The following UNC5C variants were observed in gnomAD, a reference collection of about 807,000 sequenced individuals.
UNC5C encodes unc-5 netrin receptor C.
Under a neutral mutation model 99.8 loss-of-function variants are expected in UNC5C, and 47 were observed. That is an observed-to-expected ratio of 0.47 (90% CI 0.37 to 0.60). The LOEUF (loss-of-function observed/expected upper bound fraction) is 0.60. UNC5C is among the 20% of genes least tolerant of loss of function. The pLI, the probability that UNC5C is intolerant of heterozygous loss-of-function variation, is 0.00. For missense variants in UNC5C, 1,062 were observed against 1,165.9 expected (o/e 0.91, Z 1.30); for synonymous variants, 487 against 452.2 (o/e 1.08, Z -0.98).
intron 1 of UNC5C, among the ~76,000 whole-genome samples, chr4:95,528,177 A>T (rs529049193): frequency 6.6e-6 from 1 of 152,306 alleles, no homozygotes; most frequent in Non-Finnish European, 1.5e-5. Context: ...AAACATTCTT[A>T]TGTTTTGAAT....
chr4:95,388,786 A>G (rs1309099643), intron 1 of UNC5C, among the ~76,000 whole-genome samples: 2 of 152,196 alleles, frequency 1.3e-5, no homozygotes, highest in African/African-American at 4.8e-5. Flanking sequence ...GGAATGGTAA[A>G]GTAACTTCAG....
At chr4:95,375,012 G>A (rs1371329199) in intron 1 of UNC5C, among the ~76,000 whole-genome samples, 1 of 152,112 alleles carries the variant, frequency 6.6e-6, no homozygotes, top group Non-Finnish European at 1.5e-5. Flanking sequence ...AAGAATATAG[G>A]TTAGAGTAAC....
At chr4:95,381,116 A>G (rs1452029091) in intron 1 of UNC5C, among the ~76,000 whole-genome samples, 2 of 152,332 alleles carry the variant, frequency 1.3e-5, no homozygotes, top group East Asian at 1.9e-4. Context: ...TTTTTGTTTT[A>G]GAAACATATA....
chr4:95,250,571 G>T lies in UNC5C; in HGVS notation c.691C>A (p.Leu231Ile). 1 of 1,613,948 alleles carries T rather than the reference G, an allele frequency of 6.2e-7. No individual in the cohort carries two copies. Among genetic ancestry groups the T allele is most frequent in the Non-Finnish European group, 8.5e-7 (1 of 1,179,974 alleles). The change falls in exon 5 of 16, where the codon CTC (leucine) becomes ATC (isoleucine). Residue 231 changes from leucine to isoleucine, a missense_variant. Transcript: ENST00000453304. The part of the protein sequence containing the change: ...DHNLIIKQAR[L>I]SDTANYTCVA... ...CAGGTGTAATTTGCAGTATCAGAGAGTCGGGCCTGCTTTATGATGAGGTTG... is the reference window on the plus strand; with the variant it reads ...CAGGTGTAATTTGCAGTATCAGAGATTCGGGCCTGCTTTATGATGAGGTTG...
At position 95,309,240 on chromosome 4, in the gene UNC5C, T is replaced by C. The variant is rs370783345; in HGVS notation, c.347-7491A>G. The stretch of plus-strand genomic sequence containing the variant: ...AACTGGATATCCCTAGGCAGAAGAA[T>C]GAAATTAGACCCTTAACTCATACCA... On this transcript the variant is annotated intron_variant, in intron 2 of 15. Transcript: ENST00000453304. 1.4e-3 allele frequency among the ~76,000 whole-genome samples: 213 copies of C among 152,116 alleles called. 1 individual carries two copies. The highest frequency in any genetic ancestry group is 4.9e-3 in the African/African-American group (204 of 41,496).
chr4:95,187,098 T>G (rs2149352559), intron 12 of UNC5C, among the ~76,000 whole-genome samples: 1 of 152,316 alleles, frequency 6.6e-6, no homozygotes. Flanking sequence ...CATAATGAGC[T>G]TATGTTGATC....
chr4:95,328,217 C>A (rs1182830930), intron 2 of UNC5C, among the ~76,000 whole-genome samples: 2 of 72,838 alleles, frequency 2.7e-5, no homozygotes, highest in African/African-American at 4.7e-5. Context: ...CCTCCCCCCT[C>A]CCCCGACCCC....
rs560472344 is a variant in UNC5C at position 95,226,301 on chromosome 4, G to A, written c.1109-6125C>T. Among the ~76,000 whole-genome samples, 25 of 152,230 alleles carry A rather than the reference G, an allele frequency of 1.6e-4. No individual in the cohort carries two copies. In the South Asian group the frequency reaches 2.3e-3, roughly 14 times the overall value. ...GCCACTTAGCTGGGAGAGCTTTGCC[G>A]AACTACTTCACTTTTCTAAGTATCA... is the stretch of plus-strand genomic sequence containing the variant. On this transcript the variant is annotated intron_variant, in intron 7 of 15. Transcript: ENST00000453304.
Position 95,250,527 on chromosome 4 carries a change from A to C in UNC5C, c.735T>G (p.Val245=). The change falls in exon 5 of 16, where the codon GTT becomes GTG. Residue 245 remains valine, a synonymous_variant. Transcript: ENST00000453304. ...TGGCAGTTGTACTTTTCCTCTTGGCAACAATGTTTTTGGCAACACAGGTGT... is the reference window on the plus strand; with the variant it reads ...TGGCAGTTGTACTTTTCCTCTTGGCCACAATGTTTTTGGCAACACAGGTGT... The part of the protein sequence containing the change: ...ANYTCVAKNI[V]AKRKSTTATV... 1 of 1,614,056 alleles carries C rather than the reference A, an allele frequency of 6.2e-7. No individual in the cohort carries two copies. Among genetic ancestry groups the C allele is most frequent in the South Asian group, 1.1e-5 (1 of 91,068 alleles).
At chr4:95,523,190 A>T (rs1005627036) in intron 1 of UNC5C, among the ~76,000 whole-genome samples, 2 of 152,216 alleles carry the variant, frequency 1.3e-5, no homozygotes, top group African/African-American at 4.8e-5. Flanking sequence ...CCTCTGGAGC[A>T]TGAACTGCCC....
chr4:95,338,666 T>G (rs745874574), intron 1 of UNC5C, among the ~76,000 whole-genome samples: 1 of 152,078 alleles, frequency 6.6e-6, no homozygotes, highest in Admixed American at 6.6e-5. Flanking sequence ...TATATTGATT[T>G]CATTTTCATT....
At chr4:95,527,781 C>T (rs906148748) in intron 1 of UNC5C, among the ~76,000 whole-genome samples, 3 of 152,018 alleles carry the variant, frequency 2.0e-5, no homozygotes, top group African/African-American at 2.4e-5. Flanking sequence ...AGTTTCTTTA[C>T]TTTTTTAATG....
intron 1 of UNC5C, among the ~76,000 whole-genome samples, chr4:95,472,386 G>C (rs755252337): frequency 4.6e-5 from 7 of 152,070 alleles, no homozygotes; most frequent in Non-Finnish European, 7.4e-5. Flanking sequence ...TATCTCCCAG[G>C]TATGAGGATC....
In UNC5C at chr4:95,448,227, T is replaced by TGAGAGAGAGA. The variant is rs1208781802; in HGVS notation, c.124+100497_124+100506dup. On this transcript the variant is annotated intron_variant, in intron 1 of 15. Coordinates refer to ENST00000453304, the MANE Select transcript of UNC5C (RefSeq NM_003728.4). ...GTGTGTGTGTGTGTGTGTGTGTGTG[T>TGAGAGAGAGA]GAGAGAGAGAGAGAGAGAGAGAGAG... Among the ~76,000 whole-genome samples, 312 of 100,130 alleles carry TGAGAGAGAGA rather than the reference T, an allele frequency of 3.1e-3. 6 individuals are homozygous for TGAGAGAGAGA. Among genetic ancestry groups the TGAGAGAGAGA allele is most frequent in the South Asian group, 0.017 (45 of 2,718 alleles). 65.7% of individuals were successfully genotyped at this position (100,130 alleles called of 152,430 possible).
At chr4:95,482,107 C>T (rs958178344) in intron 1 of UNC5C, among the ~76,000 whole-genome samples, 2 of 152,086 alleles carry the variant, frequency 1.3e-5, no homozygotes, top group African/African-American at 4.8e-5. Flanking sequence ...GCAACCTACT[C>T]ATCTGACAAA....
rs565563067 is a variant in UNC5C, at chr4:95,424,115, A to AT, written c.125-88485dup. Among the ~76,000 whole-genome samples, 34 of 152,234 alleles carry AT rather than the reference A, an allele frequency of 2.2e-4. No individual in the cohort carries two copies. The South Asian group carries it at 5.2e-3, about 23-fold the overall frequency. ...AATGGGGGAAATTATAAAGGGTTCT[A>AT]TTTTTTCTCACTGATTCATGGAATT... is the stretch of plus-strand genomic sequence containing the variant. On this transcript the variant is annotated intron_variant, in intron 1 of 15. Coordinates refer to ENST00000453304, the MANE Select transcript of UNC5C (RefSeq NM_003728.4).
chr4:95,181,393 T>G (rs1434092749), intron 14 of UNC5C, among the ~76,000 whole-genome samples: 1 of 152,194 alleles, frequency 6.6e-6, no homozygotes, highest in Non-Finnish European at 1.5e-5. Flanking sequence ...CTCTTTCATT[T>G]GTGGCTGCAT....
intron 1 of UNC5C, among the ~76,000 whole-genome samples, chr4:95,385,087 ATGTTCT>A (rs1238603541): frequency 5.3e-5 from 8 of 152,172 alleles, no homozygotes; most frequent in Admixed American, 2.6e-4. Flanking sequence ...CTGAGGTGAA[ATGTTCT>A]CAACCATTAG....
intron 1 of UNC5C, among the ~76,000 whole-genome samples, chr4:95,486,970 C>T (rs1274945088): frequency 6.6e-6 from 1 of 151,688 alleles, no homozygotes; most frequent in Non-Finnish European, 1.5e-5. Flanking sequence ...TATAAAAGGG[C>T]TTGAGACCAC....
Sources: allele counts gnomAD v4.1 joint callset (sites outside exome capture counted in the v4.1 genomes callset), GRCh38; gene constraint gnomAD v4.1.1; transcripts MANE v1.5; gene names NCBI Gene and HGNC (gene_info 2026-07-23, HGNC 2026-07-21).